GAPVD1: variants seen among roughly 807,000 people sequenced by gnomAD.
GAPVD1 encodes the protein GTPase-activating protein and VPS9 domain-containing protein 1.
In GAPVD1, 35 loss-of-function variants were observed where a neutral mutation model predicts 155.5. That is an observed-to-expected ratio of 0.23 (90% CI 0.17 to 0.30). The LOEUF is 0.30. Ranked by LOEUF, GAPVD1 falls within the 10% of genes least tolerant of loss-of-function variation. GAPVD1 has a pLI of 1.00. For missense variants in GAPVD1, 1,429 were observed against 1,775.7 expected, an observed-to-expected ratio of 0.80 and a Z score of 3.51; for synonymous variants, 636 against 619.7, an observed-to-expected ratio of 1.03 and a Z score of -0.39.
chr9:125,268,495 G>GT (rs911483935), intron 1 of GAPVD1, among the ~76,000 whole-genome samples: 3,118 of 89,132 alleles, frequency 0.035, 207 homozygotes, highest in African/African-American at 0.091. Flanking sequence ...CCCTAACATT[G>GT]TTTTTTTTTT....
intron 2 of GAPVD1, among the ~76,000 whole-genome samples, chr9:125,273,586 A>G (rs891757877): frequency 4.6e-5 from 7 of 151,946 alleles, no homozygotes; most frequent in African/African-American, 1.5e-4. Context: ...AAACACAGAA[A>G]TAGTGCAGAA....
intron 2 of GAPVD1, among the ~76,000 whole-genome samples, chr9:125,284,156 G>A (rs553494732): frequency 4.2e-4 from 62 of 147,248 alleles, no homozygotes; most frequent in African/African-American, 1.4e-3. Context: ...GATTACAGGC[G>A]TGAGTCACTG....
intron 5 of GAPVD1, 73 bp from the exon 6 acceptor site, chr9:125,304,990 T>C (rs1841544055): frequency 2.4e-5 from 23 of 952,118 alleles, no homozygotes; most frequent in Non-Finnish European, 3.8e-5. Context: ...ATAGACGTGC[T>C]TGCTTTCATA....
intron 17 of GAPVD1, among the ~76,000 whole-genome samples, chr9:125,339,597 G>A (rs981114524): frequency 2.0e-5 from 3 of 152,216 alleles, no homozygotes; most frequent in South Asian, 2.1e-4. Context: ...ACTACTCAGT[G>A]AATAGAGCTA....
rs928206944 is a variant in GAPVD1 at position 125,304,370 on chromosome 9, C to T, written c.1030-693C>T. On this transcript the variant is annotated intron_variant, in intron 5 of 27. Transcript: ENST00000297933. ...GCTACTGTGCCTGGCCCATGAAACA[C>T]TTAAATTTATTCTTATGGTAGATAA... Among the ~76,000 whole-genome samples the T allele has an allele frequency of 5.3e-5, 8 of 152,244 alleles. 1 individual carries two copies. In the South Asian group the frequency reaches 1.7e-3, roughly 32 times the overall value.
At chr9:125,352,809 T>G (rs536836162) in intron 23 of GAPVD1, among the ~76,000 whole-genome samples, 1 of 152,160 alleles carries the variant, frequency 6.6e-6, no homozygotes. Flanking sequence ...TCTGTTTCCC[T>G]TATAAAACTG....
intron 2 of GAPVD1, among the ~76,000 whole-genome samples, chr9:125,276,287 T>G (rs1338282236): frequency 2.0e-5 from 3 of 152,032 alleles, no homozygotes; most frequent in African/African-American, 7.2e-5. Context: ...TAGGCCAGAG[T>G]TCAAAACAAA....
intron 2 of GAPVD1, among the ~76,000 whole-genome samples, chr9:125,271,795 C>T (rs1405481410): frequency 6.6e-6 from 1 of 152,140 alleles, no homozygotes; most frequent in Non-Finnish European, 1.5e-5. Context: ...AAGTGATCCA[C>T]CTGCCTCGAG....
intron 5 of GAPVD1, chr9:125,303,961 A>AC (rs1243571285): frequency 2.0e-5 from 3 of 152,144 alleles, no homozygotes; most frequent in Non-Finnish European, 4.4e-5. Flanking sequence ...TCATCCTTGC[A>AC]CAGGTGCCAT....
intron 17 of GAPVD1, among the ~76,000 whole-genome samples, chr9:125,337,908 C>G (rs1182185647): frequency 6.6e-6 from 1 of 152,190 alleles, no homozygotes; most frequent in African/African-American, 2.4e-5. Flanking sequence ...TGGAGTCACA[C>G]TCTGTTGCCC....
At chr9:125,323,672 T>C in intron 10 of GAPVD1, 126 bp from the exon 11 acceptor site, 3 of 873,630 alleles carry the variant, frequency 3.4e-6, no homozygotes, top group Non-Finnish European at 5.4e-6. Context: ...GCATGTGTTT[T>C]TTTAAGGTAT....
intron 9 of GAPVD1, among the ~76,000 whole-genome samples, chr9:125,316,179 TG>T (rs1843393354): frequency 6.6e-6 from 1 of 152,226 alleles, no homozygotes; most frequent in Non-Finnish European, 1.5e-5. Flanking sequence ...ATTGCCACTT[TG>T]TAACATTTAT....
intron 2 of GAPVD1, among the ~76,000 whole-genome samples, chr9:125,286,211 T>C (rs1382768396): frequency 1.3e-5 from 2 of 152,196 alleles, no homozygotes; most frequent in Non-Finnish European, 2.9e-5. Context: ...CCTCCTGGGC[T>C]CAATCAATCC....
In GAPVD1 at chr9:125,337,325, T is replaced by C. The variant is rs141085941; in HGVS notation, c.2611T>C (p.Leu871=). ...AGCTGTGGGAGGAAATGAGGCCAGG[T>C]TGCCAAACTTTGGTTCCCATGTTTT... ...EGAVGGNEAR[L]PNFGSHVLTP... Residue 871 remains leucine, a synonymous_variant, in exon 17 of 28, where the codon TTG becomes CTG. Transcript: ENST00000297933. 14 of 1,614,088 alleles carry C rather than the reference T, an allele frequency of 8.7e-6. No homozygotes were observed. The highest frequency in any genetic ancestry group is 4.4e-5 in the South Asian group (4 of 91,084).
In GAPVD1 at chr9:125,364,154, G is replaced by A. The variant is rs148263938; in HGVS notation, c.*1408G>A. On this transcript the variant is annotated 3_prime_UTR_variant, in exon 28 of 28. Transcript: ENST00000297933. ...GAACTGTGACAAACAGCCTCGGGCA[G>A]ATGAACACGGAGGCTCTCTGTTGTC... 6.6e-6 allele frequency: 1 copy of A among 152,352 alleles called. No individual in the cohort carries two copies. Among genetic ancestry groups the A allele is most frequent in the East Asian group, 1.9e-4 (1 of 5,192 alleles). 9.4% of individuals were successfully genotyped at this position (152,352 alleles called of 1,614,324 possible). A position where few individuals can be genotyped will look rare whatever the true frequency, so the allele number is the denominator to read the frequency against.
At chr9:125,292,749 ATCT>A (rs956254435) in intron 2 of GAPVD1, among the ~76,000 whole-genome samples, 10 of 152,178 alleles carry the variant, frequency 6.6e-5, no homozygotes, top group Admixed American at 3.3e-4. Flanking sequence ...AGAGGAGAAG[ATCT>A]TCTTGCCAAA....
chr9:125,346,572 G>A lies in GAPVD1; in HGVS notation c.3047-247G>A. 2 of 539,118 alleles carry A rather than the reference G, an allele frequency of 3.7e-6. 1 individual carries two copies. The highest frequency in any genetic ancestry group is 4.1e-5 in the South Asian group (2 of 49,322). 33.4% of individuals were successfully genotyped at this position (539,118 alleles called of 1,614,324 possible). On this transcript the variant is annotated intron_variant, in intron 19 of 27. Coordinates refer to ENST00000297933, the MANE Select transcript of GAPVD1 (RefSeq NM_001282680.3). ...ATCCATTCAGTCTGCCCTGAACTTT[G>A]ACACTGTCATTCTGGTGATGATGAG...
intron 2 of GAPVD1, among the ~76,000 whole-genome samples, chr9:125,294,491 C>T (rs944861376): frequency 3.5e-4 from 53 of 150,956 alleles, no homozygotes; most frequent in African/African-American, 1.2e-3. Context: ...GGACTACAGG[C>T]GCGTGTCACC....
intron 6 of GAPVD1, 83 bp downstream of exon 6, chr9:125,305,232 A>G (rs1251165502): frequency 2.3e-6 from 2 of 853,580 alleles, no homozygotes; most frequent in Non-Finnish European, 3.8e-6. Context: ...TCCTTAGGTG[A>G]TATCTAAATT....
Sources: allele counts gnomAD v4.1 joint callset (sites outside exome capture counted in the v4.1 genomes callset), GRCh38; gene constraint gnomAD v4.1.1; transcripts MANE v1.5; gene names NCBI Gene and HGNC (gene_info 2026-07-23, HGNC 2026-07-21).